Variants in PTPRA observed in about 807,000 individuals in gnomAD.
The protein encoded by PTPRA is receptor-type tyrosine-protein phosphatase alpha.
PTPRA carries 25 observed loss-of-function variants against 104.8 expected under a neutral mutation model. The ratio of observed to expected loss-of-function variants is 0.24; its 90% CI spans 0.17 to 0.33. The LOEUF (loss-of-function observed/expected upper bound fraction) is 0.33. PTPRA is among the 10% of genes least tolerant of loss of function. PTPRA has a pLI of 1.00. For missense variants in PTPRA, 765 were observed against 1,015.3 expected (o/e 0.75, Z 3.35); for synonymous variants, 323 against 368.9 (o/e 0.88, Z 1.43).
the PTPRA span, chr20:2,866,427 C>T: frequency 6.2e-7 from 1 of 1,614,168 alleles, no homozygotes; most frequent in African/African-American, 1.3e-5. Context: ...GCTCAAACCA[C>T]AGCGATGTGG....
In PTPRA at chr20:2,948,682, T is replaced by A. The variant is rs375541764; in HGVS notation, c.-7+658T>A. ...TACTTTAAAAAACCACCAGGCACGG[T>A]GGCTCACGCCTGGAATCCCAGCACT... On this transcript the variant is annotated intron_variant, in intron 3 of 23. Coordinates refer to ENST00000399903, the MANE Select transcript of PTPRA (RefSeq NM_001385305.1). 1.7e-4 allele frequency among the ~76,000 whole-genome samples: 26 copies of A among 152,278 alleles called. No individual in the cohort carries two copies. In the South Asian group the frequency reaches 5.0e-3, roughly 29 times the overall value.
At chr20:2,892,309 A>AG (rs1261892400) in intron 1 of PTPRA, among the ~76,000 whole-genome samples, 2 of 151,558 alleles carry the variant, frequency 1.3e-5, no homozygotes, top group Non-Finnish European at 2.9e-5. Flanking sequence ...AAAAAAAAAA[A>AG]AGAAGAGAGG....
intron 11 of PTPRA, among the ~76,000 whole-genome samples, chr20:3,013,874 T>G (rs1026453322): frequency 1.3e-5 from 2 of 152,204 alleles, no homozygotes; most frequent in African/African-American, 4.8e-5. Context: ...GTGGCTTTGC[T>G]TCATTCTCAT....
At position 2,991,410 on chromosome 20, in the gene PTPRA, C is replaced by T. The variant is rs1311853741; in HGVS notation, c.738+2936C>T. 7.9e-5 allele frequency among the ~76,000 whole-genome samples: 12 copies of T among 152,188 alleles called. No individual in the cohort carries two copies. In the East Asian group the frequency reaches 1.7e-3, roughly 22 times the overall value. On this transcript the variant is annotated intron_variant, in intron 9 of 23. Transcript: ENST00000399903. ...TTACCACATCTCACAAGACAGCACT[C>T]CAGCCTCAGTACCATAGCTGGATCT...
At chr20:2,949,080 TACAACTTCTCCC>T (rs1814324437) in intron 3 of PTPRA, among the ~76,000 whole-genome samples, 1 of 152,208 alleles carries the variant, frequency 6.6e-6, no homozygotes, top group Admixed American at 6.5e-5. Context: ...CTCACTTTTC[TACAACTTCTCCC>T]ACTTTTGCCT....
At chr20:2,909,104 T>C (rs1036545027) in intron 1 of PTPRA, among the ~76,000 whole-genome samples, 1 of 152,096 alleles carries the variant, frequency 6.6e-6, no homozygotes, top group Non-Finnish European at 1.5e-5. Flanking sequence ...ATCAGAATAA[T>C]AACATGTAAG....
chr20:2,914,729 GA>G (rs1286605313), intron 1 of PTPRA, among the ~76,000 whole-genome samples: 4 of 151,934 alleles, frequency 2.6e-5, no homozygotes, highest in Non-Finnish European at 5.9e-5. Flanking sequence ...ATTTGGAGAC[GA>G]AAAAAGTACG....
intron 8 of PTPRA, 80 bp downstream of exon 8, chr20:2,988,185 A>G (rs1321477249): frequency 9.3e-5 from 141 of 1,513,512 alleles, no homozygotes; most frequent in Non-Finnish European, 1.5e-5. Flanking sequence ...TCCTTTTAAA[A>G]GAATAAGACA....
At chr20:2,877,807 ATTC>A (rs922341245) in intron 1 of PTPRA, among the ~76,000 whole-genome samples, 1 of 152,200 alleles carries the variant, frequency 6.6e-6, no homozygotes, top group African/African-American at 2.4e-5. Flanking sequence ...TGATTTTTGA[ATTC>A]TTCAATAGCA....
At chr20:2,945,477 T>C (rs1020375704) in intron 2 of PTPRA, among the ~76,000 whole-genome samples, 3 of 152,102 alleles carry the variant, frequency 2.0e-5, no homozygotes, top group Non-Finnish European at 2.9e-5. Flanking sequence ...CTACCTAATA[T>C]ACCTATTATG....
Position 3,022,420 on chromosome 20 carries a change from C to G in PTPRA, c.1328+200C>G, listed in dbSNP as rs2064923429. Among the ~76,000 whole-genome samples the G allele has an allele frequency of 6.6e-6, 1 of 152,116 alleles. No homozygotes were observed. The highest frequency in any genetic ancestry group is 6.5e-5 in the Admixed American group (1 of 15,272). On this transcript the variant is annotated intron_variant, in intron 15 of 23. Transcript: ENST00000399903. The surrounding 1 kb of genome is among the most constrained non-coding windows in gnomAD (Gnocchi z 4.6). ...TGAGGAAGGAGGGTAGGGCAGTCCTCCAAGATTAGGAGTTGGGAGACCCTG... is the reference window on the plus strand; with the variant it reads ...TGAGGAAGGAGGGTAGGGCAGTCCTGCAAGATTAGGAGTTGGGAGACCCTG...
intron 8 of PTPRA, 69 bp from the exon 9 acceptor site, chr20:2,988,269 C>A: frequency 6.4e-7 from 1 of 1,557,306 alleles, no homozygotes; most frequent in Non-Finnish European, 8.6e-7. Context: ...GGTAGAACCC[C>A]GTTTAGCCTC....
chr20:2,970,400 T>C (rs1170452742), intron 5 of PTPRA, among the ~76,000 whole-genome samples: 3 of 152,252 alleles, frequency 2.0e-5, no homozygotes, highest in African/African-American at 7.2e-5. Context: ...CTTGGGGATC[T>C]CTGCCAATCT....
At chr20:2,880,940 C>G (rs556135148) in intron 1 of PTPRA, among the ~76,000 whole-genome samples, 2 of 151,858 alleles carry the variant, frequency 1.3e-5, no homozygotes, top group African/African-American at 4.8e-5. Context: ...CCCAGGAGTT[C>G]AAGGCTGCAT....
intron 9 of PTPRA, among the ~76,000 whole-genome samples, chr20:2,994,821 C>A (rs571560870): frequency 3.3e-5 from 5 of 152,308 alleles, no homozygotes; most frequent in Admixed American, 6.5e-5. Flanking sequence ...TTTGACCATA[C>A]CATAATTAGA....
intron 2 of PTPRA, among the ~76,000 whole-genome samples, chr20:2,931,271 TAGAA>T (rs2060493521): frequency 6.6e-6 from 1 of 151,986 alleles, no homozygotes; most frequent in Non-Finnish European, 1.5e-5. Flanking sequence ...GTTATGCAAG[TAGAA>T]AGACCAGAGA....
intron 2 of PTPRA, 87 bp downstream of exon 2, chr20:2,923,372 C>T: frequency 3.1e-6 from 3 of 973,412 alleles, no homozygotes; most frequent in East Asian, 6.6e-5. Context: ...TGCTTTCCTG[C>T]TTCATTTCGT....
Position 2,986,254 on chromosome 20 carries a change from A to G in PTPRA, c.443-511A>G, listed in dbSNP as rs567949001. ...ACAGTATTCTCTGTGCCCGGAAACCATTTGGGTTTATGATAGGAAAACTGT... is the reference window on the plus strand; with the variant it reads ...ACAGTATTCTCTGTGCCCGGAAACCGTTTGGGTTTATGATAGGAAAACTGT... On this transcript the variant is annotated intron_variant, in intron 6 of 23. Coordinates refer to ENST00000399903, the MANE Select transcript of PTPRA (RefSeq NM_001385305.1). 2.0e-5 allele frequency among the ~76,000 whole-genome samples: 3 copies of G among 152,252 alleles called. No individual in the cohort carries two copies. The East Asian group carries it at 5.8e-4, about 29-fold the overall frequency.
chr20:2,964,131 A>C (rs2061859551), intron 3 of PTPRA, 141 bp from the exon 4 acceptor site: 2 of 673,220 alleles, frequency 3.0e-6, no homozygotes, highest in Non-Finnish European at 5.2e-6. Flanking sequence ...CTGAGGAAGC[A>C]TGCATATCAG....
Sources: gnomAD v4.1 joint callset for allele counts (sites outside exome capture counted in the v4.1 genomes callset) on GRCh38, gnomAD v4.1.1 for gene constraint, Gnocchi (gnomAD v3.1) non-coding constraint, MANE v1.5 for transcripts, NCBI Gene and HGNC (gene_info 2026-07-23, HGNC 2026-07-21) for gene names.